Variants in RNH1 observed in about 807,000 individuals in gnomAD.
RNH1 encodes the protein ribonuclease inhibitor.
A neutral mutation model predicts 46.1 loss-of-function variants in RNH1; 38 were observed. The observed-to-expected ratio is 0.82, with a 90% CI of 0.64 to 1.08. RNH1 has a LOEUF of 1.08. Among genes scored for constraint, RNH1 ranks in the 50% least tolerant of loss-of-function variants. RNH1 has a pLI of 0.00. For synonymous variants in RNH1, 319 were observed against 279.1 expected, an observed-to-expected ratio of 1.14 and a Z score of -1.43; for missense variants, 577 against 590.7, an observed-to-expected ratio of 0.98 and a Z score of 0.24.
rs377466140 is a variant in RNH1 at position 498,512 on chromosome 11, C to T, written c.901G>A (p.Ala301Thr). ...AGCAGGGTCTCACACAGCAGTCGGG[C>T]ACCCTCATCCCCCAGCTCGTTGCCG... ...LAGNELGDEG[A>T]RLLCETLLEP... Residue 301 changes from alanine to threonine, a missense_variant, in exon 8 of 11, where the codon GCC becomes ACC. Transcript: ENST00000354420. 6.8e-6 allele frequency: 11 copies of T among 1,613,294 alleles called. No individual in the cohort carries two copies. Among genetic ancestry groups the T allele is most frequent in the African/African-American group, 1.3e-5 (1 of 74,946 alleles).
rs1850134375 is a variant in RNH1, at chr11:504,931, G to A, written c.-195C>T. ...AGGCTGTGAGGACGGGTTTTGGAGC[G>A]CCGCTCGGCCGTCCTCAAAACTTTG... On this transcript the variant is annotated 5_prime_UTR_variant, in exon 2 of 11. Transcript: ENST00000354420. The A allele has an allele frequency of 6.6e-6, 1 of 152,200 alleles. No individual in the cohort carries two copies. The highest frequency in any genetic ancestry group is 1.5e-5 in the Non-Finnish European group (1 of 68,028). 9.4% of individuals were successfully genotyped at this position (152,200 alleles called of 1,614,324 possible).
chr11:499,708 A>C, intron 5 of RNH1, 121 bp downstream of exon 5: 1 of 1,222,910 alleles, frequency 8.2e-7, no homozygotes, highest in Non-Finnish European at 1.2e-6. Flanking sequence ...GGAGAGCACC[A>C]CAAGGCCCCT....
chr11:498,722 G>A (rs201988659), intron 7 of RNH1, 41 bp downstream of exon 7: 22 of 1,589,742 alleles, frequency 1.4e-5, no homozygotes, highest in Middle Eastern at 1.7e-4. Flanking sequence ...ACGGCCCGCC[G>A]CCCGACCCTC....
At position 502,877 on chromosome 11, in the gene RNH1, G is replaced by A. The variant is rs1359763569; in HGVS notation, c.-87-628C>T. 6.5e-6 allele frequency: 1 copy of A among 152,736 alleles called. No individual in the cohort carries two copies. Among genetic ancestry groups the A allele is most frequent in the Non-Finnish European group, 1.5e-5 (1 of 68,464 alleles). 9.5% of individuals were successfully genotyped at this position (152,736 alleles called of 1,614,324 possible). ...GCTGGGCTACCAGGCAAGCTGGGTG[G>A]GTCAGCCTGGGATGGGCACAGCTGC... On this transcript the variant is annotated intron_variant, in intron 2 of 10. Transcript: ENST00000354420. This position sits in a 1 kb window ranked among gnomAD's most constrained non-coding sequence, Gnocchi z 5.8.
chr11:496,994 C>G (rs1340250886), intron 9 of RNH1, among the ~76,000 whole-genome samples: 1 of 152,216 alleles, frequency 6.6e-6, no homozygotes. Context: ...AGAACTAAGC[C>G]AGAGTGGTGC....
chr11:494,854 C>T (rs767177926), intron 10 of RNH1, 29 bp downstream of exon 10: 16 of 1,611,626 alleles, frequency 9.9e-6, no homozygotes, highest in East Asian at 8.9e-5. Flanking sequence ...CAGCCCTGGC[C>T]GCACCACCCG....
rs79857095 is a variant in RNH1, at chr11:499,195, A to G, written c.444-10T>C. 7,871 of 1,610,798 alleles carry G rather than the reference A, an allele frequency of 4.9e-3. 311 individuals carry two copies. The African/African-American group carries it at 0.09, about 18-fold the overall frequency. On this transcript the variant is annotated splice_polypyrimidine_tract_variant and intron_variant, in intron 5 of 10. Coordinates refer to ENST00000354420, the MANE Select transcript of RNH1 (RefSeq NM_203387.3). The stretch of plus-strand genomic sequence containing the variant: ...GCTGCAATACTCCAGCCTGGGGGAC[A>G]GCAGAGCTCAGCACCACACAGGAAT...
Position 502,549 on chromosome 11 carries a change from C to G in RNH1, c.-87-300G>C. ...AGCCCCTGCCTCTCATTTGCTTGGG[C>G]AAGGACAGGGTAGGGTGGGGTGGTC... On this transcript the variant is annotated intron_variant, in intron 2 of 10. Transcript: ENST00000354420. The surrounding 1 kb of genome is among the most constrained non-coding windows in gnomAD (Gnocchi z 5.8). The G allele has an allele frequency of 6.4e-6, 2 of 313,734 alleles. No individual in the cohort carries two copies. Among genetic ancestry groups the G allele is most frequent in the South Asian group, 6.7e-5 (2 of 29,820 alleles). The allele number at this position is 313,734 out of a possible 1,614,324, so 19.4% of individuals were successfully genotyped here.
At chr11:499,297 G>A in intron 5 of RNH1, 112 bp from the exon 6 acceptor site, 3 of 1,200,870 alleles carry the variant, frequency 2.5e-6, no homozygotes, top group South Asian at 1.4e-5. Flanking sequence ...TTCTGCCTGG[G>A]CATCAGGTGT....
chr11:496,073 C>CA (rs1255025907), intron 9 of RNH1, among the ~76,000 whole-genome samples: 5 of 151,682 alleles, frequency 3.3e-5, no homozygotes, highest in Admixed American at 2.6e-4. Flanking sequence ...ATGGGCACAC[C>CA]AAAAAAGAAA....
Position 499,039 on chromosome 11 carries a change from G to A in RNH1, c.590C>T (p.Ser197Phe), listed in dbSNP as rs756108409. ...VRVLCQGLKD[S>F]PCQLEALKLE... ...CTTGAGCGCCTCCAGCTGGCAGGGG[G>A]AGTCCTTCAGGCCCTGGCACAGCAC... Residue 197 changes from serine to phenylalanine, a missense_variant, in exon 6 of 11, where the codon TCC (serine) becomes TTC (phenylalanine). By Grantham distance (155) the Ser-to-Phe change is radical (BLOSUM62 -2). Coordinates refer to ENST00000354420, the MANE Select transcript of RNH1 (RefSeq NM_203387.3). The A allele has an allele frequency of 6.2e-7, 1 of 1,613,228 alleles. No homozygotes were observed. Among genetic ancestry groups the A allele is most frequent in the Non-Finnish European group, 8.5e-7 (1 of 1,179,960 alleles).
chr11:498,585 C>A lies in RNH1; in HGVS notation c.828G>T (p.Leu276=). 6.2e-7 allele frequency: 1 copy of A among 1,612,978 alleles called. No individual in the cohort carries two copies. Among genetic ancestry groups the A allele is most frequent in the Non-Finnish European group, 8.5e-7 (1 of 1,180,036 alleles). Residue 276 remains leucine, a synonymous_variant, in exon 8 of 11, where the codon CTG becomes CTT. Coordinates refer to ENST00000354420, the MANE Select transcript of RNH1 (RefSeq NM_203387.3). ...CGITAKGCGD[L]CRVLRAKESL... is the part of the protein sequence containing the mutation. ...TCTCCTTGGCCCTGAGGACACGGCA[C>A]AGATCCCCGCAGCCCTTGGCAGTGA...
intron 4 of RNH1, 189 bp from the exon 5 acceptor site, chr11:500,188 G>C: frequency 1.4e-6 from 1 of 713,232 alleles, no homozygotes; most frequent in Non-Finnish European, 2.3e-6. Context: ...GCTCGACCCA[G>C]GGAAACCTTG....
At chr11:499,429 G>A in intron 5 of RNH1, 1 of 678,368 alleles carries the variant, frequency 1.5e-6, no homozygotes, top group South Asian at 1.6e-5. Context: ...CCAGGCCCGG[G>A]AGAAAGAAAC....
At chr11:499,716 CCT>C (rs1849562293) in intron 5 of RNH1, 111 bp downstream of exon 5, 3 of 1,313,244 alleles carry the variant, frequency 2.3e-6, no homozygotes, top group Admixed American at 3.5e-5. Flanking sequence ...CCACAAGGCC[CCT>C]GTGACCTGAG....
Position 501,981 on chromosome 11 carries a change from A to G in RNH1, c.101+81T>C. The G allele has an allele frequency of 2.3e-6, 2 of 859,412 alleles. No individual in the cohort carries two copies. Among genetic ancestry groups the G allele is most frequent in the Non-Finnish European group, 3.8e-6 (2 of 528,642 alleles). 53.2% of individuals were successfully genotyped at this position (859,412 alleles called of 1,614,324 possible). A position where few individuals can be genotyped will look rare whatever the true frequency, so the allele number is the denominator to read the frequency against. ...CATGTCCACAAACAAGGCGTTCCAGAGCAATGCACCCTTCAGAGGGAGCCG... is the reference window on the plus strand; with the variant it reads ...CATGTCCACAAACAAGGCGTTCCAGGGCAATGCACCCTTCAGAGGGAGCCG... On this transcript the variant is annotated intron_variant, in intron 3 of 10. Coordinates refer to ENST00000354420, the MANE Select transcript of RNH1 (RefSeq NM_203387.3). The surrounding 1 kb of genome is among the most constrained non-coding windows in gnomAD (Gnocchi z 4.1).
intron 9 of RNH1, 28 bp downstream of exon 9, chr11:497,943 T>C: frequency 2.5e-6 from 4 of 1,601,202 alleles, no homozygotes; most frequent in Non-Finnish European, 3.4e-6. Context: ...CTCCCAAATG[T>C]GCATACTCGT....
intron 1 of RNH1, chr11:505,327 G>C (rs949548642): frequency 5.9e-5 from 9 of 152,194 alleles, no homozygotes; most frequent in African/African-American, 2.2e-4. Context: ...GTTACCTTAA[G>C]TGGCAAAAGG....
At position 498,000 on chromosome 11, in the gene RNH1, G is replaced by C. The variant is rs752539935; in HGVS notation, c.1098C>G (p.Gly366=). ...GCACCCGCAGCACAGAGCCAGGCTG[G>C]CCCAGGCCCTGGCACAGCTCCCGCA... The part of the protein sequence containing the change: ...AGVRELCQGL[G]QPGSVLRVLW... Residue 366 remains glycine, a synonymous_variant, in exon 9 of 11, where the codon GGC becomes GGG. Coordinates refer to ENST00000354420, the MANE Select transcript of RNH1 (RefSeq NM_203387.3). 6.2e-7 allele frequency: 1 copy of C among 1,613,938 alleles called. No individual in the cohort carries two copies. Among genetic ancestry groups the C allele is most frequent in the Non-Finnish European group, 8.5e-7 (1 of 1,179,948 alleles).
Sources: gnomAD v4.1 joint callset for allele counts (sites outside exome capture counted in the v4.1 genomes callset) on GRCh38, gnomAD v4.1.1 for gene constraint, Gnocchi (gnomAD v3.1) non-coding constraint, MANE v1.5 for transcripts, NCBI Gene and HGNC (gene_info 2026-07-23, HGNC 2026-07-21) for gene names.